CTNNA3: variants seen among roughly 807,000 people sequenced by gnomAD.
CTNNA3 encodes catenin alpha-3.
In CTNNA3, 76 loss-of-function variants were observed where a neutral mutation model predicts 95.7. The observed-to-expected ratio is 0.79, with a 90% CI of 0.66 to 0.96. The LOEUF is 0.96. Ranked by LOEUF, CTNNA3 falls within the 40% of genes least tolerant of loss-of-function variation. CTNNA3 has a pLI of 0.00. For missense variants in CTNNA3, 1,191 were observed against 1,089.8 expected (o/e 1.09, Z -1.31); for synonymous variants, 431 against 374.4 (o/e 1.15, Z -1.74).
At chr10:66,490,782 C>G (rs1839896335) in intron 11 of CTNNA3, among the ~76,000 whole-genome samples, 1 of 152,088 alleles carries the variant, frequency 6.6e-6, no homozygotes, top group Admixed American at 6.5e-5. Context: ...TTTACCTGGC[C>G]TCTATGCATG....
At chr10:66,132,280 T>C (rs1256839748) in intron 13 of CTNNA3, among the ~76,000 whole-genome samples, 1 of 152,088 alleles carries the variant, frequency 6.6e-6, no homozygotes, top group Non-Finnish European at 1.5e-5. Context: ...CATACATGCG[T>C]CCAATGAGCA....
chr10:66,311,107 A>G (rs1258560200), intron 12 of CTNNA3, among the ~76,000 whole-genome samples: 1 of 152,228 alleles, frequency 6.6e-6, no homozygotes, highest in Non-Finnish European at 1.5e-5. Context: ...AGGTAACTAT[A>G]TGCCCACCTT....
At chr10:66,172,141 T>C (rs1235009662) in intron 13 of CTNNA3, among the ~76,000 whole-genome samples, 5 of 152,280 alleles carry the variant, frequency 3.3e-5, no homozygotes, top group African/African-American at 7.2e-5. Flanking sequence ...ATTTATATGA[T>C]TGATGTTATA....
chr10:67,763,272 T>TA (rs1841471985), intron 1 of CTNNA3, among the ~76,000 whole-genome samples: 2 of 66,398 alleles, frequency 3.0e-5, no homozygotes, highest in Non-Finnish European at 3.8e-5. Flanking sequence ...CTGCCAAAAT[T>TA]TAAAAAAAAA....
rs551862427 is a variant in CTNNA3 at position 66,473,656 on chromosome 10, C to A, written c.1531+46961G>T. On this transcript the variant is annotated intron_variant, in intron 11 of 17. Transcript: ENST00000433211. ...CATTAGGCATATCTCCTAATGCTAT[C>A]CCTCCTGCCTCCCCCCACTCCACAA... Among the ~76,000 whole-genome samples the A allele has an allele frequency of 2.2e-4, 33 of 152,102 alleles. No homozygotes were observed. The South Asian group carries it at 5.4e-3, about 25-fold the overall frequency.
At chr10:66,219,521 G>C (rs2088784470) in intron 13 of CTNNA3, among the ~76,000 whole-genome samples, 1 of 152,088 alleles carries the variant, frequency 6.6e-6, no homozygotes, top group Non-Finnish European at 1.5e-5. Flanking sequence ...TTGCTTTAAA[G>C]AAAGACATGA....
At chr10:66,153,601 T>C (rs1342930012) in intron 13 of CTNNA3, among the ~76,000 whole-genome samples, 1 of 151,912 alleles carries the variant, frequency 6.6e-6, no homozygotes, top group Non-Finnish European at 1.5e-5. Flanking sequence ...TGGGGGCTCT[T>C]ATCTTCTGGA....
At chr10:66,406,678 T>C (rs189933092) in intron 11 of CTNNA3, among the ~76,000 whole-genome samples, 16 of 152,198 alleles carry the variant, frequency 1.1e-4, no homozygotes, top group Admixed American at 9.8e-4. Context: ...CAAACACTAA[T>C]CAAGCAACCT....
At chr10:66,616,110 T>A (rs1844501768) in intron 10 of CTNNA3, among the ~76,000 whole-genome samples, 1 of 152,008 alleles carries the variant, frequency 6.6e-6, no homozygotes. Flanking sequence ...ATCATCCAGA[T>A]CACATTTCTC....
intron 7 of CTNNA3, among the ~76,000 whole-genome samples, chr10:67,035,814 C>T (rs553234175): frequency 2.2e-4 from 34 of 152,022 alleles, no homozygotes; most frequent in African/African-American, 6.0e-4. Flanking sequence ...AAATCCATAG[C>T]TGAAGCATGC....
At position 66,877,804 on chromosome 10, in the gene CTNNA3, T is replaced by C. The variant is rs535457972; in HGVS notation, c.1048-102280A>G. ...GAGTAATTTTAGATCCTATGCAAAA[T>C]GCAAGAAAATGGATTCTATTTTTGT... On this transcript the variant is annotated intron_variant, in intron 7 of 17. Coordinates refer to ENST00000433211, the MANE Select transcript of CTNNA3 (RefSeq NM_013266.4). Among the ~76,000 whole-genome samples, 3 of 152,192 alleles carry C rather than the reference T, an allele frequency of 2.0e-5. No individual in the cohort carries two copies. The South Asian group carries it at 6.2e-4, about 32-fold the overall frequency.
At chr10:66,377,892 C>T (rs1243510819) in intron 12 of CTNNA3, among the ~76,000 whole-genome samples, 3 of 152,080 alleles carry the variant, frequency 2.0e-5, no homozygotes, top group Non-Finnish European at 2.9e-5. Context: ...ATACCGGTGA[C>T]TTTGAGGAGT....
intron 12 of CTNNA3, among the ~76,000 whole-genome samples, chr10:66,311,881 A>G (rs980730634): frequency 6.6e-6 from 1 of 152,194 alleles, no homozygotes; most frequent in African/African-American, 2.4e-5. Context: ...CGTAGATGAT[A>G]AGACTTTTTA....
At chr10:67,416,150 T>A (rs1366716010) in intron 5 of CTNNA3, among the ~76,000 whole-genome samples, 1 of 152,028 alleles carries the variant, frequency 6.6e-6, no homozygotes, top group East Asian at 1.9e-4. Context: ...TAGTGAGAAC[T>A]AATTAAACTA....
chr10:66,408,306 A>G (rs1203517037), intron 11 of CTNNA3, among the ~76,000 whole-genome samples: 1 of 152,138 alleles, frequency 6.6e-6, no homozygotes, highest in Non-Finnish European at 1.5e-5. Flanking sequence ...TTTTTATACA[A>G]TTCTTATTTT....
chr10:67,352,610 T>C (rs972789693), intron 5 of CTNNA3, among the ~76,000 whole-genome samples: 1 of 152,166 alleles, frequency 6.6e-6, no homozygotes, highest in East Asian at 1.9e-4. Flanking sequence ...GGTATGAATG[T>C]TCCATTTTTC....
At chr10:66,211,086 A>T (rs888486478) in intron 13 of CTNNA3, among the ~76,000 whole-genome samples, 1 of 152,172 alleles carries the variant, frequency 6.6e-6, no homozygotes, top group South Asian at 2.1e-4. Flanking sequence ...TTTATGACCA[A>T]TGTAAATTTG....
chr10:67,560,413 A>G (rs968234685), intron 3 of CTNNA3, among the ~76,000 whole-genome samples: 2 of 152,140 alleles, frequency 1.3e-5, no homozygotes, highest in Non-Finnish European at 2.9e-5. Flanking sequence ...GGAGAAATAA[A>G]ATACTTTACA....
chr10:66,064,566 A>G lies in CTNNA3; in HGVS notation c.2159+4742T>C, dbSNP rs72793441. Among the ~76,000 whole-genome samples the G allele has an allele frequency of 6.9e-3, 1,053 of 152,164 alleles. 5 individuals carry two copies. The highest frequency in any genetic ancestry group is 0.041 in the Middle Eastern group (12 of 294). The stretch of plus-strand genomic sequence containing the variant: ...TATTTAAATAAGACCCCCCAGGGAA[A>G]AGCATTCACCGTTGATGCTCCATCA... On this transcript the variant is annotated intron_variant, in intron 15 of 17. Transcript: ENST00000433211.
Sources: allele counts gnomAD v4.1 joint callset (sites outside exome capture counted in the v4.1 genomes callset), GRCh38; gene constraint gnomAD v4.1.1; transcripts MANE v1.5; gene names NCBI Gene and HGNC (gene_info 2026-07-23, HGNC 2026-07-21).